Variants in ARSJ observed in about 807,000 individuals in gnomAD.
The protein encoded by ARSJ is arylsulfatase J.
Under a neutral mutation model 35.9 loss-of-function variants are expected in ARSJ, and 26 were observed. The ratio of observed to expected loss-of-function variants is 0.72; its 90% CI spans 0.53 to 1.00. The LOEUF is 1.00. ARSJ is among the 50% of genes least tolerant of loss of function. ARSJ has a pLI of 0.00. For synonymous variants in ARSJ, 294 were observed against 267.6 expected (o/e 1.10, Z -0.96); for missense variants, 667 against 723.6 (o/e 0.92, Z 0.90).
At chr4:113,951,261 T>C (rs930582872) in intron 1 of ARSJ, among the ~76,000 whole-genome samples, 1 of 152,074 alleles carries the variant, frequency 6.6e-6, no homozygotes, top group Non-Finnish European at 1.5e-5. Flanking sequence ...TCTTAACAAA[T>C]CTGGAATCTC....
rs187259081 is a variant in ARSJ, at chr4:113,935,657, A to C, written c.399-31982T>G. On this transcript the variant is annotated intron_variant, in intron 1 of 1. Transcript: ENST00000315366. ...CACTTAAAAGGTCATTGAATGTATG[A>C]GTAAATGAGTAGATGAATGCATTTT... Among the ~76,000 whole-genome samples the C allele has an allele frequency of 8.6e-5, 13 of 152,046 alleles. No homozygotes were observed. The East Asian group carries it at 2.1e-3, about 25-fold the overall frequency.
chr4:113,940,594 C>T (rs1429242878), intron 1 of ARSJ, among the ~76,000 whole-genome samples: 2 of 151,300 alleles, frequency 1.3e-5, no homozygotes, highest in African/African-American at 2.4e-5. Context: ...CACCGTGGCA[C>T]ACGTTACCTA....
At chr4:113,931,926 G>A (rs1436210688) in intron 1 of ARSJ, among the ~76,000 whole-genome samples, 4 of 151,934 alleles carry the variant, frequency 2.6e-5, no homozygotes, top group African/African-American at 7.2e-5. Flanking sequence ...AACTATGACT[G>A]GAACTGTATA....
intron 1 of ARSJ, among the ~76,000 whole-genome samples, chr4:113,946,690 T>C (rs1725509171): frequency 6.6e-6 from 1 of 150,910 alleles, no homozygotes; most frequent in Non-Finnish European, 1.5e-5. Flanking sequence ...TCAATAATAG[T>C]AATAATGCAC....
At chr4:113,911,594 G>A (rs1391332236) in intron 1 of ARSJ, among the ~76,000 whole-genome samples, 1 of 152,040 alleles carries the variant, frequency 6.6e-6, no homozygotes, top group East Asian at 1.9e-4. Context: ...GGGAAGTGTG[G>A]GAGAAGGAAA....
chr4:113,941,409 C>T (rs1385199224), intron 1 of ARSJ, among the ~76,000 whole-genome samples: 2 of 152,034 alleles, frequency 1.3e-5, no homozygotes, highest in East Asian at 3.9e-4. Context: ...AGAAAATCTA[C>T]TAGGAATTTA....
In ARSJ at chr4:113,903,044, T is replaced by TA; in HGVS notation, c.1029dup (p.Ser344Ter). On this transcript the variant is annotated frameshift_variant, in exon 2 of 2. Coordinates refer to ENST00000315366, the MANE Select transcript of ARSJ (RefSeq NM_024590.4). LOFTEE classifies it high-confidence loss of function. ...CCTCCTTCCCAATATGTTCCTTTGC[T>TA]ACCTCTGAGAGGCCAGTTACTCCCT... The TA allele has an allele frequency of 6.2e-7, 1 of 1,614,186 alleles. No individual in the cohort carries two copies. Among genetic ancestry groups the TA allele is most frequent in the Non-Finnish European group, 8.5e-7 (1 of 1,180,036 alleles).
chr4:113,903,780 A>AAATTATCATTGGGGTC, intron 1 of ARSJ, 105 bp from the exon 2 acceptor site: 2 of 1,393,880 alleles, frequency 1.4e-6, no homozygotes, highest in Non-Finnish European at 1.9e-6. Context: ...CATCATTGTT[A>AAATTATCATTGGGGTC]AATTATAATT....
intron 1 of ARSJ, among the ~76,000 whole-genome samples, chr4:113,932,971 C>A (rs1192023574): frequency 6.6e-6 from 1 of 151,642 alleles, no homozygotes; most frequent in Non-Finnish European, 1.5e-5. Context: ...GCTAGACTAA[C>A]TAAAAAGAAA....
At chr4:113,949,566 C>A (rs1725724615) in intron 1 of ARSJ, among the ~76,000 whole-genome samples, 3 of 152,026 alleles carry the variant, frequency 2.0e-5, no homozygotes, top group Non-Finnish European at 4.4e-5. Flanking sequence ...TGAACAAGGA[C>A]TAGCCTTTCA....
chr4:113,958,800 T>C (rs1457351893), intron 1 of ARSJ, among the ~76,000 whole-genome samples: 1 of 152,026 alleles, frequency 6.6e-6, no homozygotes, highest in Non-Finnish European at 1.5e-5. Context: ...TTTCCACTAA[T>C]TTCCCTATAT....
intron 1 of ARSJ, chr4:113,906,874 C>G: frequency 3.1e-6 from 1 of 324,822 alleles, no homozygotes; most frequent in East Asian, 1.0e-4. Context: ...ATCGGTGTCA[C>G]TAACATTTGC....
At position 113,902,688 on chromosome 4, in the gene ARSJ, G is replaced by T; in HGVS notation, c.1386C>A (p.Gly462=). Residue 462 remains glycine (G), a synonymous_variant, in exon 2 of 2, where the codon GGC becomes GGA. Coordinates refer to ENST00000315366, the MANE Select transcript of ARSJ (RefSeq NM_024590.4). Reference sequence around the variant, plus strand: ...ACTGAGGGGGGACCCAGTCGCTGTAGCCAGGATTTCCTGTAAGCAATTTCC... The same window carrying T: ...ACTGAGGGGGGACCCAGTCGCTGTATCCAGGATTTCCTGTAAGCAATTTCC... The part of the protein sequence containing the change: ...QHWKLLTGNP[G]YSDWVPPQSF... 6.2e-7 allele frequency: 1 copy of T among 1,614,180 alleles called. No individual in the cohort carries two copies. Among genetic ancestry groups the T allele is most frequent in the South Asian group, 1.1e-5 (1 of 91,084 alleles).
chr4:113,969,924 G>A (rs931219280), intron 1 of ARSJ, among the ~76,000 whole-genome samples: 3 of 152,188 alleles, frequency 2.0e-5, no homozygotes, highest in Non-Finnish European at 4.4e-5. Context: ...AGCAAGGGAA[G>A]GAAGAGGTTC....
chr4:113,944,877 C>A (rs562404878), intron 1 of ARSJ, among the ~76,000 whole-genome samples: 2 of 151,954 alleles, frequency 1.3e-5, no homozygotes, highest in Non-Finnish European at 2.9e-5. Flanking sequence ...TTTTAACATT[C>A]CTGATTGTAT....
At chr4:113,975,084 G>A (rs1018082875) in intron 1 of ARSJ, among the ~76,000 whole-genome samples, 6 of 152,158 alleles carry the variant, frequency 3.9e-5, no homozygotes, top group Non-Finnish European at 7.4e-5. Flanking sequence ...AATTCCATTT[G>A]TATAAAGTTC....
Position 113,903,130 on chromosome 4 carries a change from C to T in ARSJ, c.944G>A (p.Gly315Asp). The part of the protein sequence containing the change: ...NNVTLALKTY[G>D]FYNNSIIIYS... ...AATGATAATGCTGTTGTTATAGAAA[C>T]CATAAGTCTTTAGAGCCAATGTCAC... Residue 315 changes from glycine to aspartate, a missense_variant, in exon 2 of 2, where the codon GGT (glycine) becomes GAT (aspartate). By Grantham distance (94) the Gly-to-Asp change is moderately conservative (BLOSUM62 -1). Coordinates refer to ENST00000315366, the MANE Select transcript of ARSJ (RefSeq NM_024590.4). The T allele has an allele frequency of 1.2e-6, 2 of 1,614,156 alleles. No homozygotes were observed. Among genetic ancestry groups the T allele is most frequent in the Non-Finnish European group, 1.7e-6 (2 of 1,180,028 alleles).
At position 113,950,569 on chromosome 4, in the gene ARSJ, A is replaced by G. The variant is rs187870697; in HGVS notation, c.398+27868T>C. Among the ~76,000 whole-genome samples the G allele has an allele frequency of 9.6e-4, 146 of 152,134 alleles. 4 individuals carry two copies. Among genetic ancestry groups the G allele is most frequent in the Admixed American group, 3.4e-3 (52 of 15,270 alleles). ...AGAAAGAGGGAAAAAGGGTGAATATAAGATGAGGGAAAGGGAAGAAAGAGA... is the reference window on the plus strand; with the variant it reads ...AGAAAGAGGGAAAAAGGGTGAATATGAGATGAGGGAAAGGGAAGAAAGAGA... On this transcript the variant is annotated intron_variant, in intron 1 of 1. Transcript: ENST00000315366.
intron 1 of ARSJ, among the ~76,000 whole-genome samples, chr4:113,957,440 A>G (rs1239862349): frequency 2.6e-5 from 4 of 152,120 alleles, no homozygotes; most frequent in African/African-American, 9.7e-5. Context: ...AAATATAAAA[A>G]TAAGTAGAGA....
Sources: gnomAD v4.1 joint callset for allele counts (sites outside exome capture counted in the v4.1 genomes callset) on GRCh38, gnomAD v4.1.1 for gene constraint, MANE v1.5 for transcripts, NCBI Gene and HGNC (gene_info 2026-07-23, HGNC 2026-07-21) for gene names.